Variants in LDB2 observed in about 807,000 individuals in gnomAD.
LDB2 encodes the protein LIM domain binding 2.
Under a neutral mutation model 44.3 loss-of-function variants are expected in LDB2, and 12 were observed. The observed-to-expected ratio is 0.27, with a 90% CI of 0.17 to 0.44. LDB2 has a LOEUF of 0.44. Ranked by LOEUF, LDB2 falls within the 20% of genes least tolerant of loss-of-function variation. The pLI is 1.00. For missense variants in LDB2, 344 were observed against 473.5 expected (o/e 0.73, Z 2.54); for synonymous variants, 164 against 174.8 (o/e 0.94, Z 0.49).
chr4:16,720,273 C>T (rs2645256), intron 2 of LDB2, among the ~76,000 whole-genome samples: 58,106 of 150,278 alleles, frequency 0.39, 11,473 homozygotes, highest in Non-Finnish European at 0.43. Flanking sequence ...GTGGTGGGGG[C>T]GGGTAGTATT....
chr4:16,732,379 G>A (rs1322744076), intron 2 of LDB2, among the ~76,000 whole-genome samples: 1 of 152,174 alleles, frequency 6.6e-6, no homozygotes, highest in Non-Finnish European at 1.5e-5. Flanking sequence ...CTTCATTAGT[G>A]TGGATTTGAT....
At chr4:16,559,052 C>T (rs1449585824) in intron 5 of LDB2, among the ~76,000 whole-genome samples, 1 of 152,176 alleles carries the variant, frequency 6.6e-6, no homozygotes, top group African/African-American at 2.4e-5. Context: ...CCTAAAAGAG[C>T]TCCTGAAGGA....
intron 1 of LDB2, among the ~76,000 whole-genome samples, chr4:16,780,195 A>G (rs921783667): frequency 6.6e-6 from 1 of 152,178 alleles, no homozygotes; most frequent in Middle Eastern, 3.2e-3. Context: ...CTGAGACTAC[A>G]CAGAAGTGAG....
intron 5 of LDB2, among the ~76,000 whole-genome samples, chr4:16,572,399 T>TTC (rs1410772849): frequency 6.6e-6 from 1 of 152,176 alleles, no homozygotes; most frequent in Non-Finnish European, 1.5e-5. Context: ...GTTAAACAAT[T>TTC]TCTTTCTCTT....
chr4:16,692,709 A>C (rs1751090929), intron 2 of LDB2, among the ~76,000 whole-genome samples: 1 of 152,140 alleles, frequency 6.6e-6, no homozygotes, highest in Non-Finnish European at 1.5e-5. Flanking sequence ...CAGGAAGAAA[A>C]ATGCAGATAT....
intron 1 of LDB2, among the ~76,000 whole-genome samples, chr4:16,870,712 C>T (rs1422986329): frequency 6.6e-6 from 1 of 152,116 alleles, no homozygotes; most frequent in Non-Finnish European, 1.5e-5. Context: ...CTGCTCACTA[C>T]AACCTCCACC....
intron 2 of LDB2, among the ~76,000 whole-genome samples, chr4:16,656,198 C>A (rs769260149): frequency 6.6e-6 from 1 of 152,168 alleles, no homozygotes; most frequent in African/African-American, 2.4e-5. Flanking sequence ...CCGCACCTGG[C>A]CCAAGAAAAC....
intron 2 of LDB2, among the ~76,000 whole-genome samples, chr4:16,691,051 A>G (rs185051349): frequency 9.9e-5 from 15 of 152,270 alleles, no homozygotes; most frequent in African/African-American, 3.4e-4. Flanking sequence ...GATATCTAAG[A>G]CTTGTTGCAT....
chr4:16,529,872 C>T (rs916766979), intron 5 of LDB2, among the ~76,000 whole-genome samples: 8 of 152,182 alleles, frequency 5.3e-5, no homozygotes, highest in African/African-American at 1.9e-4. Flanking sequence ...CTGTCTGATG[C>T]TGCCCATTCA....
chr4:16,692,821 C>T (rs1438120148), intron 2 of LDB2, among the ~76,000 whole-genome samples: 3 of 152,134 alleles, frequency 2.0e-5, no homozygotes, highest in African/African-American at 7.2e-5. Flanking sequence ...TTGTGTTTCT[C>T]ACAGATGCAT....
intron 2 of LDB2, among the ~76,000 whole-genome samples, chr4:16,734,734 GT>G (rs1761520167): frequency 7.2e-6 from 1 of 139,592 alleles, no homozygotes; most frequent in Admixed American, 7.4e-5. Flanking sequence ...TTGAGATGGA[GT>G]TTTGCTCTCG....
chr4:16,760,514 G>A (rs1767661420), intron 1 of LDB2, among the ~76,000 whole-genome samples: 1 of 152,134 alleles, frequency 6.6e-6, no homozygotes, highest in South Asian at 2.1e-4. Flanking sequence ...CAGTAAAACA[G>A]GGTAGATAGG....
chr4:16,783,964 A>G (rs189906658), intron 1 of LDB2, among the ~76,000 whole-genome samples: 1 of 152,186 alleles, frequency 6.6e-6, no homozygotes, highest in African/African-American at 2.4e-5. Context: ...TTACTGAAGA[A>G]TCACTTTTAG....
chr4:16,642,567 C>T (rs979126018), intron 2 of LDB2, among the ~76,000 whole-genome samples: 5 of 152,256 alleles, frequency 3.3e-5, no homozygotes, highest in East Asian at 1.9e-4. Context: ...ATAACATTAT[C>T]GCTGAACTAA....
At position 16,898,379 on chromosome 4, in the gene LDB2, T is replaced by A; in HGVS notation, c.107A>T (p.Asn36Ile). Residue 36 changes from asparagine to isoleucine, a missense_variant, in exon 1 of 8, where the codon AAC becomes ATC. This residue lies in a region of LDB2 where 226 missense variants were observed against 270.1 expected (regional missense o/e 0.84). Transcript: ENST00000304523. Reference protein sequence around the residue: ...VQPEYRIYEMNKRLQSRTEDS... With the variant: ...VQPEYRIYEMIKRLQSRTEDS... ...CTCTGTGCGAGACTGCAGTCTCTTG[T>A]TCATCTCATAGATTCGGTACTCTGG... 8 of 1,613,834 alleles carry A rather than the reference T, an allele frequency of 5.0e-6. No homozygotes were observed. The highest frequency in any genetic ancestry group is 6.8e-6 in the Non-Finnish European group (8 of 1,179,874).
At chr4:16,628,661 C>G (rs2645259) in intron 2 of LDB2, among the ~76,000 whole-genome samples, 3 of 151,766 alleles carry the variant, frequency 2.0e-5, no homozygotes, top group Admixed American at 6.6e-5. Context: ...AGCAACAGCT[C>G]TGGTCTACAG....
intron 1 of LDB2, among the ~76,000 whole-genome samples, chr4:16,781,140 A>G (rs930610638): frequency 2.6e-5 from 4 of 152,194 alleles, no homozygotes; most frequent in African/African-American, 9.7e-5. Context: ...CTGTGGCCCA[A>G]CTGTGATTTG....
rs1560538666 is a variant in LDB2, at chr4:16,582,004, A to AGGAAGGAAG, written c.615+3909_615+3917dup. 2.6e-5 allele frequency among the ~76,000 whole-genome samples: 1 copy of AGGAAGGAAG among 38,390 alleles called. No individual in the cohort carries two copies. Among genetic ancestry groups the AGGAAGGAAG allele is most frequent in the Admixed American group, 2.4e-4 (1 of 4,208 alleles). 25.2% of individuals were successfully genotyped at this position (38,390 alleles called of 152,430 possible). The stretch of plus-strand genomic sequence containing the variant: ...GAAGGGAAGGAAGGGAAGGAAGGGA[A>AGGAAGGAAG]GGAAGGAAGGAAGGAAGGAAGGAAG... On this transcript the variant is annotated intron_variant, in intron 5 of 7. Transcript: ENST00000304523. The surrounding 1 kb of genome is among the most constrained non-coding windows in gnomAD (Gnocchi z 4.8).
Position 16,641,260 on chromosome 4 carries a change from C to T in LDB2, c.236-45385G>A, listed in dbSNP as rs564343695. ...GAAACTGGTATTTCACATAAAGGAGCTTACCTTTTATTATCTACAAGAGGA... is the reference window on the plus strand; with the variant it reads ...GAAACTGGTATTTCACATAAAGGAGTTTACCTTTTATTATCTACAAGAGGA... On this transcript the variant is annotated intron_variant, in intron 2 of 7. Coordinates refer to ENST00000304523, the MANE Select transcript of LDB2 (RefSeq NM_001290.5). Among the ~76,000 whole-genome samples the T allele has an allele frequency of 4.1e-4, 63 of 152,176 alleles. 1 individual carries two copies. The highest frequency in any genetic ancestry group is 1.4e-3 in the African/African-American group (60 of 41,526).
Sources: gnomAD v4.1 joint callset for allele counts (sites outside exome capture counted in the v4.1 genomes callset) on GRCh38, gnomAD v4.1.1 for gene constraint, gnomAD v4.1.1 regional missense constraint, Gnocchi (gnomAD v3.1) non-coding constraint, MANE v1.5 for transcripts, NCBI Gene and HGNC (gene_info 2026-07-23, HGNC 2026-07-21) for gene names.